The following ABHD18 variants were observed in gnomAD, a reference collection of about 807,000 sequenced individuals.
ABHD18 encodes abhydrolase domain containing 18.
Under a neutral mutation model 65.9 loss-of-function variants are expected in ABHD18, and 55 were observed. The ratio of observed to expected loss-of-function variants is 0.84; its 90% CI spans 0.67 to 1.05. ABHD18 has a LOEUF of 1.05. Among genes scored for constraint, ABHD18 ranks in the 50% least tolerant of loss-of-function variants. The pLI, the probability that ABHD18 is intolerant of heterozygous loss-of-function variation, is 0.00. For missense variants in ABHD18, 533 were observed against 558.5 expected (o/e 0.95, Z 0.46); for synonymous variants, 181 against 180.2 (o/e 1.00, Z -0.04).
intron 2 of ABHD18, among the ~76,000 whole-genome samples, 190 bp downstream of exon 2, chr4:127,983,237 TA>T (rs1241242666): frequency 1.3e-5 from 2 of 152,232 alleles, no homozygotes; most frequent in Non-Finnish European, 2.9e-5. Flanking sequence ...GCCCATATCA[TA>T]AATGATACTG....
intron 4 of ABHD18, among the ~76,000 whole-genome samples, chr4:127,998,555 T>TG: frequency 6.6e-6 from 1 of 151,644 alleles, no homozygotes; most frequent in East Asian, 1.9e-4. Context: ...TTTTTTTTTT[T>TG]TAAGAGACTG....
At chr4:128,010,813 G>C (rs568561595) in intron 6 of ABHD18, among the ~76,000 whole-genome samples, 1 of 151,560 alleles carries the variant, frequency 6.6e-6, no homozygotes, top group Admixed American at 6.6e-5. Context: ...TACTTGGGAG[G>C]CTGAGGCAGG....
At chr4:127,966,255 A>G (rs1218389866) in intron 1 of ABHD18, among the ~76,000 whole-genome samples, 1 of 152,158 alleles carries the variant, frequency 6.6e-6, no homozygotes, top group East Asian at 1.9e-4. Context: ...CCGTTTTATT[A>G]GCGCCAGATA....
intron 1 of ABHD18, among the ~76,000 whole-genome samples, chr4:127,973,817 C>CAAAAAAAAAAAAAAAA (rs57170719): frequency 6.0e-5 from 1 of 16,610 alleles, no homozygotes; most frequent in African/African-American, 1.7e-4. Flanking sequence ...TGATGAACAG[C>CAAAAAAAAAAAAAAAA]AAAAAAAAAA....
At chr4:128,026,481 T>G (rs1032546705) in intron 10 of ABHD18, among the ~76,000 whole-genome samples, 7 of 151,496 alleles carry the variant, frequency 4.6e-5, no homozygotes, top group Non-Finnish European at 1.0e-4. Context: ...AAAAGAGCAG[T>G]TTGTATTTTG....
chr4:127,982,183 A>T (rs756832006), intron 1 of ABHD18, among the ~76,000 whole-genome samples: 4 of 152,216 alleles, frequency 2.6e-5, no homozygotes, highest in Non-Finnish European at 5.9e-5. Context: ...AATAAAAAAC[A>T]ATTGAAAAAG....
chr4:128,010,232 G>A (rs1754293546), intron 6 of ABHD18, among the ~76,000 whole-genome samples: 1 of 152,166 alleles, frequency 6.6e-6, no homozygotes, highest in Admixed American at 6.5e-5. Context: ...TATTTCTGAT[G>A]TGAATGTAGG....
chr4:128,010,243 A>G (rs1754296144), intron 6 of ABHD18, among the ~76,000 whole-genome samples: 1 of 152,222 alleles, frequency 6.6e-6, no homozygotes, highest in South Asian at 2.1e-4. Context: ...TGAATGTAGG[A>G]TATAGGCCAG....
At chr4:127,985,392 A>G (rs1749772229) in intron 3 of ABHD18, among the ~76,000 whole-genome samples, 1 of 152,124 alleles carries the variant, frequency 6.6e-6, no homozygotes, top group South Asian at 2.1e-4. Context: ...TGTTTTGGAT[A>G]TCTTTTAGAT....
chr4:127,967,918 C>T (rs1041989913), intron 1 of ABHD18, among the ~76,000 whole-genome samples: 2 of 152,096 alleles, frequency 1.3e-5, no homozygotes, highest in African/African-American at 4.8e-5. Flanking sequence ...AGGATATTTA[C>T]CCACACCCCT....
At chr4:128,025,835 GA>G (rs1251419107) in intron 10 of ABHD18, among the ~76,000 whole-genome samples, 1 of 152,168 alleles carries the variant, frequency 6.6e-6, no homozygotes, top group Non-Finnish European at 1.5e-5. Flanking sequence ...ACTTAAGCAT[GA>G]GGGAAGTTGA....
At chr4:128,005,356 GA>G (rs748238676) in intron 4 of ABHD18, among the ~76,000 whole-genome samples, 1 of 152,246 alleles carries the variant, frequency 6.6e-6, no homozygotes, top group East Asian at 1.9e-4. Context: ...CTGGAATTGA[GA>G]AAGGCCTATA....
intron 1 of ABHD18, among the ~76,000 whole-genome samples, chr4:127,979,383 G>A (rs1385787597): frequency 6.6e-6 from 1 of 151,956 alleles, no homozygotes; most frequent in Admixed American, 6.6e-5. Flanking sequence ...GTGAAACCCC[G>A]TCTCTACTAA....
Position 128,008,904 on chromosome 4 carries a change from A to G in ABHD18, c.279-16A>G, listed in dbSNP as rs760687722. The stretch of plus-strand genomic sequence containing the variant: ...TAAAGAGAATTTTATTGATAAGTCT[A>G]TGCTTTTAAAAATAGGTTCCAATTT... On this transcript the variant is annotated splice_polypyrimidine_tract_variant and intron_variant, in intron 4 of 12. Transcript: ENST00000645843. 2.5e-6 allele frequency: 4 copies of G among 1,580,338 alleles called. No homozygotes were observed. The highest frequency in any genetic ancestry group is 1.8e-5 in the Admixed American group (1 of 56,330).
chr4:128,037,945 G>A lies in ABHD18; in HGVS notation c.*2132G>A, dbSNP rs1380166923. ...TCGAAAATATTTTAGGGTATTGTGTGAAGTTTTACAGTAGGTATTTTTGAG... is the reference window on the plus strand; with the variant it reads ...TCGAAAATATTTTAGGGTATTGTGTAAAGTTTTACAGTAGGTATTTTTGAG... On this transcript the variant is annotated 3_prime_UTR_variant, in exon 13 of 13. Transcript: ENST00000645843. 13 of 152,108 alleles carry A rather than the reference G, an allele frequency of 8.5e-5. No individual in the cohort carries two copies. The highest frequency in any genetic ancestry group is 2.9e-5 in the Non-Finnish European group (2 of 68,014). The allele number at this position is 152,108 out of a possible 1,614,324, so 9.4% of individuals were successfully genotyped here.
At chr4:127,985,726 T>C (rs1447534974) in intron 3 of ABHD18, among the ~76,000 whole-genome samples, 1 of 152,034 alleles carries the variant, frequency 6.6e-6, no homozygotes, top group Non-Finnish European at 1.5e-5. Context: ...CTACCCTTAG[T>C]TTTTAAAAAT....
intron 6 of ABHD18, 105 bp from the exon 7 acceptor site, chr4:128,011,568 G>C: frequency 1.4e-6 from 1 of 725,696 alleles, no homozygotes; most frequent in Admixed American, 3.0e-5. Flanking sequence ...TTAGAATGGA[G>C]TTATTTCAGT....
At chr4:127,969,575 A>G (rs1746329903) in intron 1 of ABHD18, among the ~76,000 whole-genome samples, 1 of 152,196 alleles carries the variant, frequency 6.6e-6, no homozygotes, top group African/African-American at 2.4e-5. Flanking sequence ...AAAATATTTG[A>G]AAAGTTCATT....
intron 10 of ABHD18, among the ~76,000 whole-genome samples, chr4:128,023,796 A>C (rs998971250): frequency 2.6e-5 from 4 of 152,206 alleles, no homozygotes; most frequent in Non-Finnish European, 5.9e-5. Context: ...AGGCAGGAGA[A>C]TGGCGTGAAC....
Sources: gnomAD v4.1 joint callset for allele counts (sites outside exome capture counted in the v4.1 genomes callset) on GRCh38, gnomAD v4.1.1 for gene constraint, MANE v1.5 for transcripts, NCBI Gene and HGNC (gene_info 2026-07-23, HGNC 2026-07-21) for gene names.